Variants in ZMYM4 observed in about 807,000 individuals in gnomAD.
The protein encoded by ZMYM4 is zinc finger MYM-type protein 4.
Under a neutral mutation model 183.2 loss-of-function variants are expected in ZMYM4, and 31 were observed. That is an observed-to-expected ratio of 0.17 (90% confidence interval 0.13 to 0.23). The LOEUF (loss-of-function observed/expected upper bound fraction) is 0.23. Among genes scored for constraint, ZMYM4 ranks in the 10% least tolerant of loss-of-function variants. ZMYM4 has a pLI of 1.00. For missense variants in ZMYM4, 1,273 were observed against 1,840.3 expected (o/e 0.69, Z 5.64); for synonymous variants, 592 against 631.2 (o/e 0.94, Z 0.93).
At chr1:35,397,724 A>T (rs931659698) in intron 20 of ZMYM4, among the ~76,000 whole-genome samples, 179 bp downstream of exon 20, 2 of 152,168 alleles carry the variant, frequency 1.3e-5, no homozygotes, top group Non-Finnish European at 2.9e-5. Flanking sequence ...GTTTTTATGA[A>T]GGAAAACCAA....
In ZMYM4 at chr1:35,359,108, A is replaced by G. The variant is rs891216341; in HGVS notation, c.269A>G (p.Glu90Gly). 1.9e-6 allele frequency: 3 copies of G among 1,613,708 alleles called. No individual in the cohort carries two copies. The highest frequency in any genetic ancestry group is 2.5e-6 in the Non-Finnish European group (3 of 1,179,762). The change falls in exon 3 of 30, where the codon GAG becomes GGG. Residue 90 changes from glutamate (E) to glycine (G), a missense_variant. Around this residue, in one of 6 missense-constraint regions of ZMYM4, gnomAD observed 384 missense variants for 465.6 expected, o/e 0.82. Coordinates refer to ENST00000314607, the MANE Select transcript of ZMYM4 (RefSeq NM_005095.3). ...AGIPVVGSDN[E>G]DEQDFSSKDN... is the part of the protein sequence containing the mutation. ...ATTCCAGTCGTTGGTAGTGACAATG[A>G]GGATGAACAGGATTTTAGTTCAAAG...
intron 2 of ZMYM4, among the ~76,000 whole-genome samples, chr1:35,352,539 A>G (rs912882128): frequency 1.3e-5 from 2 of 151,842 alleles, no homozygotes; most frequent in Non-Finnish European, 2.9e-5. Flanking sequence ...TCTCCTCTCA[A>G]TCTCTATTGG....
chr1:35,284,471 A>G (rs538931767), intron 1 of ZMYM4, among the ~76,000 whole-genome samples: 1 of 152,280 alleles, frequency 6.6e-6, no homozygotes, highest in East Asian at 1.9e-4. Context: ...TTTATGGTAC[A>G]AAGTAAGTGT....
chr1:35,385,582 T>C lies in ZMYM4; in HGVS notation c.1710T>C (p.Val570=). ...NCLSAYRVKM[V]TSAGVQVQCN... is the part of the protein sequence containing the mutation. The stretch of plus-strand genomic sequence containing the variant: ...TATCTGCTTACAGAGTTAAAATGGT[T>C]ACTTCTGCAGGTAATATTGGTTTCA... Residue 570 remains valine, a synonymous_variant, in exon 10 of 30, where the codon GTT becomes GTC. Transcript: ENST00000314607. 6.2e-7 allele frequency: 1 copy of C among 1,601,790 alleles called. No homozygotes were observed. Among genetic ancestry groups the C allele is most frequent in the Non-Finnish European group, 8.5e-7 (1 of 1,176,450 alleles).
chr1:35,419,114 T>A lies in ZMYM4; in HGVS notation c.4440-356T>A, dbSNP rs919116809. On this transcript the variant is annotated intron_variant, in intron 29 of 29. Transcript: ENST00000314607. ...GCTTGGCCATAGTGTCACATGTGAG[T>A]TGACTTTTTTGTTGCTCTTAATAAT... Among the ~76,000 whole-genome samples the A allele has an allele frequency of 2.0e-4, 31 of 152,142 alleles. 1 individual carries two copies.
Position 35,421,142 on chromosome 1 carries a change from A to AT in ZMYM4, c.*1471dup, listed in dbSNP as rs1308578656. 1 of 152,608 alleles carries AT rather than the reference A, an allele frequency of 6.6e-6. No homozygotes were observed. The highest frequency in any genetic ancestry group is 1.9e-4 in the East Asian group (1 of 5,204). 9.5% of individuals were successfully genotyped at this position (152,608 alleles called of 1,614,324 possible). A position where few individuals can be genotyped will look rare whatever the true frequency, so the allele number is the denominator to read the frequency against. ...CTTGAAAGACTTTTCAGGGTATCTCATTTTTTAGGTGGGGGTGGCAGGTGT... is the reference window on the plus strand; with the variant it reads ...CTTGAAAGACTTTTCAGGGTATCTCATTTTTTTAGGTGGGGGTGGCAGGTGT... On this transcript the variant is annotated 3_prime_UTR_variant, in exon 30 of 30. Transcript: ENST00000314607.
intron 1 of ZMYM4, among the ~76,000 whole-genome samples, chr1:35,311,914 A>C (rs1254860053): frequency 6.6e-6 from 1 of 151,640 alleles, no homozygotes; most frequent in Non-Finnish European, 1.5e-5. Flanking sequence ...TTTCGAGACG[A>C]GGTCTCACTC....
At chr1:35,280,194 C>G (rs1236714275) in intron 1 of ZMYM4, among the ~76,000 whole-genome samples, 1 of 148,678 alleles carries the variant, frequency 6.7e-6, no homozygotes, top group Non-Finnish European at 1.5e-5. Context: ...CCTTCCCTTC[C>G]CTTCCTTTCT....
chr1:35,283,049 A>AGTG (rs1640269290), intron 1 of ZMYM4, among the ~76,000 whole-genome samples: 1 of 111,822 alleles, frequency 8.9e-6, no homozygotes, highest in Non-Finnish European at 1.7e-5. Flanking sequence ...CCCAGGCCGG[A>AGTG]GTGCAGTGGT....
chr1:35,355,576 A>C (rs192479493), intron 2 of ZMYM4, among the ~76,000 whole-genome samples: 1 of 152,210 alleles, frequency 6.6e-6, no homozygotes, highest in Non-Finnish European at 1.5e-5. Flanking sequence ...TGTGATATGA[A>C]ATAAAACCTT....
chr1:35,325,437 C>A, intron 2 of ZMYM4, 32 bp downstream of exon 2: 1 of 1,583,338 alleles, frequency 6.3e-7, no homozygotes, highest in South Asian at 1.2e-5. Context: ...ACAATCATGT[C>A]TTTAGATAGA....
At chr1:35,292,290 T>C (rs770358401) in intron 1 of ZMYM4, 3 of 152,288 alleles carry the variant, frequency 2.0e-5, no homozygotes, top group Non-Finnish European at 4.4e-5. Context: ...TTTGAACTGC[T>C]CCGTTTCTGA....
chr1:35,317,763 T>TGGGATA (rs151154399), intron 1 of ZMYM4, among the ~76,000 whole-genome samples: 2,671 of 152,312 alleles, frequency 0.018, 75 homozygotes, highest in African/African-American at 0.06. Context: ...AACATGTTGA[T>TGGGATA]GGGATAGGTC....
At chr1:35,306,850 C>T (rs1376070874) in intron 1 of ZMYM4, among the ~76,000 whole-genome samples, 1 of 152,180 alleles carries the variant, frequency 6.6e-6, no homozygotes, top group Non-Finnish European at 1.5e-5. Context: ...TAGGTTAAGT[C>T]ACTGCTAAAT....
At chr1:35,398,760 A>G (rs2149008345) in intron 21 of ZMYM4, 104 bp from the exon 22 acceptor site, 1 of 1,176,062 alleles carries the variant, frequency 8.5e-7, no homozygotes, top group African/African-American at 1.5e-5. Context: ...TTGTCCATCA[A>G]CCGTATCTCA....
chr1:35,389,202 A>G lies in ZMYM4; in HGVS notation c.2436+120A>G. The G allele has an allele frequency of 2.0e-6, 2 of 984,216 alleles. No homozygotes were observed. The highest frequency in any genetic ancestry group is 2.9e-6 in the Non-Finnish European group (2 of 695,678). The allele number at this position is 984,216 out of a possible 1,614,324, so 61.0% of individuals were successfully genotyped here. On this transcript the variant is annotated intron_variant, in intron 14 of 29. Coordinates refer to ENST00000314607, the MANE Select transcript of ZMYM4 (RefSeq NM_005095.3). This position sits in a 1 kb window ranked among gnomAD's most constrained non-coding sequence, Gnocchi z 4.0. The stretch of plus-strand genomic sequence containing the variant: ...AAAACTTTTAAGTATTAAATGTTTT[A>G]TGCCTTCTAGCAATTAATATAAGAT...
rs757076569 is a variant in ZMYM4, at chr1:35,269,575, GA to G, written c.39+491del. Among the ~76,000 whole-genome samples, 8 of 152,094 alleles carry G rather than the reference GA, an allele frequency of 5.3e-5. 1 individual carries two copies. The stretch of plus-strand genomic sequence containing the variant: ...CCCCTCCCCCCATAGCCGTTATCTA[GA>G]CCAAAGTCGGGGTGGTGGTCTTACC... On this transcript the variant is annotated intron_variant, in intron 1 of 29. Coordinates refer to ENST00000314607, the MANE Select transcript of ZMYM4 (RefSeq NM_005095.3).
intron 25 of ZMYM4, among the ~76,000 whole-genome samples, chr1:35,407,209 G>A (rs1333287053): frequency 3.3e-5 from 5 of 152,140 alleles, no homozygotes; most frequent in African/African-American, 7.2e-5. Context: ...CGAGGCGGGC[G>A]GATCACCAGA....
chr1:35,345,470 A>G (rs535398584), intron 2 of ZMYM4, among the ~76,000 whole-genome samples: 1 of 151,188 alleles, frequency 6.6e-6, no homozygotes, highest in Admixed American at 6.6e-5. Flanking sequence ...TTTTTTTTTA[A>G]AGACAGGTTT....
Sources: gnomAD v4.1 joint callset for allele counts (sites outside exome capture counted in the v4.1 genomes callset) on GRCh38, gnomAD v4.1.1 for gene constraint, gnomAD v4.1.1 regional missense constraint, Gnocchi (gnomAD v3.1) non-coding constraint, MANE v1.5 for transcripts, NCBI Gene and HGNC (gene_info 2026-07-23, HGNC 2026-07-21) for gene names.